BAHCC1: variants seen among roughly 807,000 people sequenced by gnomAD.
The protein encoded by BAHCC1 is BAH and coiled-coil domain-containing protein 1.
In BAHCC1, 43 loss-of-function variants were observed where a neutral mutation model predicts 88.2. The ratio of observed to expected loss-of-function variants is 0.49; its 90% CI spans 0.38 to 0.63. The LOEUF is 0.63. Among genes scored for constraint, BAHCC1 ranks in the 20% least tolerant of loss-of-function variants. The probability of loss-of-function intolerance (pLI) is 0.00; values close to 1 mark genes in which losing one functional copy is unlikely to be tolerated. For synonymous variants in BAHCC1, 1,510 were observed against 745.5 expected (o/e 2.03, Z -16.71); for missense variants, 3,023 against 1,654.8 (o/e 1.83, Z -14.34).
In BAHCC1 at chr17:81,461,356, G is replaced by A; in HGVS notation, c.6693G>A (p.Lys2231=). The A allele has an allele frequency of 1.4e-6, 1 of 729,320 alleles. No homozygotes were observed. The highest frequency in any genetic ancestry group is 2.5e-6 in the Non-Finnish European group (1 of 395,814). 45.2% of individuals were successfully genotyped at this position (729,320 alleles called of 1,614,324 possible). A position where few individuals can be genotyped will look rare whatever the true frequency, so the allele number is the denominator to read the frequency against. ...KTCKALLMGD[K]DFSPKLGRPL... ...GCAAGGCGTTGCTCATGGGGGACAA[G>A]GACTTCAGCCCCAAGCTCGGGCGGC... The change falls in exon 26 of 28, where the codon AAG becomes AAA. Residue 2231 remains lysine, a synonymous_variant. Transcript: ENST00000675386.
At chr17:81,401,349 G>A (rs527790162) in intron 2 of BAHCC1, 1 of 152,814 alleles carries the variant, frequency 6.5e-6, no homozygotes, top group Admixed American at 6.5e-5. Flanking sequence ...GGCCTTTGGC[G>A]AGGCTGCCCT....
intron 12 of BAHCC1, 50 bp downstream of exon 12, chr17:81,451,920 C>T (rs1212519205): frequency 1.1e-5 from 7 of 654,554 alleles, no homozygotes; most frequent in Non-Finnish European, 2.0e-5. Flanking sequence ...GCCACAGAGC[C>T]CCAGCCTGGG....
chr17:81,450,522 G>A (rs2064613114), intron 11 of BAHCC1, among the ~76,000 whole-genome samples: 1 of 152,200 alleles, frequency 6.6e-6, no homozygotes, highest in Non-Finnish European at 1.5e-5. Flanking sequence ...CCCAGGTTGA[G>A]GTCCCAGAGG....
intron 2 of BAHCC1, among the ~76,000 whole-genome samples, chr17:81,426,092 G>T: frequency 6.9e-6 from 1 of 145,006 alleles, no homozygotes. Context: ...TGTGGTTGGT[G>T]GTGATAGTGG....
At chr17:81,397,581 T>TCCGGGGCTCGGGAGGCGCCGG (rs1241675817) in intron 1 of BAHCC1, among the ~76,000 whole-genome samples, 1 of 151,752 alleles carries the variant, frequency 6.6e-6, no homozygotes, top group East Asian at 2.0e-4. Context: ...CCCGGCGCCC[T>TCCGGGGCTCGGGAGGCGCCGG]CCGGGGCTCG....
intron 2 of BAHCC1, chr17:81,402,419 A>G (rs2063829020): frequency 6.6e-6 from 1 of 152,248 alleles, no homozygotes; most frequent in Non-Finnish European, 1.5e-5. Flanking sequence ...CTGTGTCTAT[A>G]TATGATCTAG....
intron 3 of BAHCC1, among the ~76,000 whole-genome samples, chr17:81,429,425 A>G (rs1721344194): frequency 6.6e-6 from 1 of 152,134 alleles, no homozygotes; most frequent in South Asian, 2.1e-4. Context: ...GTGCTCCCCG[A>G]CAGACCACAT....
At chr17:81,448,467 C>T (rs2064573948) in intron 11 of BAHCC1, among the ~76,000 whole-genome samples, 3 of 152,164 alleles carry the variant, frequency 2.0e-5, no homozygotes, top group African/African-American at 7.2e-5. Context: ...GGCCTTGGTC[C>T]GGGCACTCCC....
chr17:81,414,585 C>T (rs1374823563), intron 2 of BAHCC1, among the ~76,000 whole-genome samples: 3 of 152,142 alleles, frequency 2.0e-5, no homozygotes, highest in Non-Finnish European at 2.9e-5. Flanking sequence ...CTAGGAACGC[C>T]GAGTTTTTAC....
chr17:81,441,687 AAAAGAG>A, intron 4 of BAHCC1, 138 bp from the exon 5 acceptor site: 1 of 429,552 alleles, frequency 2.3e-6, no homozygotes, highest in Non-Finnish European at 4.1e-6. Context: ...AAAAAAAAAA[AAAAGAG>A]CAAAAACCTT....
At chr17:81,412,629 G>A (rs1478610871) in intron 2 of BAHCC1, among the ~76,000 whole-genome samples, 2 of 152,154 alleles carry the variant, frequency 1.3e-5, no homozygotes, top group South Asian at 2.1e-4. Flanking sequence ...TGGAGTCACC[G>A]ACTCTCCCTC....
chr17:81,452,127 G>T lies in BAHCC1; in HGVS notation c.4316+20G>T. The stretch of plus-strand genomic sequence containing the variant: ...CCATGAGTACGCCTGGCGTGGCGGG[G>T]GGGCCTGGGAGGGTCGCAGCACCCC... On this transcript the variant is annotated intron_variant, in intron 13 of 27. Coordinates refer to ENST00000675386, the MANE Select transcript of BAHCC1 (RefSeq NM_001377448.1). 1 of 595,318 alleles carries T rather than the reference G, an allele frequency of 1.7e-6. No individual in the cohort carries two copies. The highest frequency in any genetic ancestry group is 2.9e-6 in the Non-Finnish European group (1 of 339,548). The allele number at this position is 595,318 out of a possible 1,614,324, so 36.9% of individuals were successfully genotyped here. A position where few individuals can be genotyped will look rare whatever the true frequency, so the allele number is the denominator to read the frequency against.
chr17:81,463,322 C>T (rs1248919885), intron 27 of BAHCC1, among the ~76,000 whole-genome samples: 3 of 152,342 alleles, frequency 2.0e-5, no homozygotes, highest in South Asian at 2.1e-4. Context: ...CTGCTCCTCT[C>T]TGAGAAGAAG....
intron 2 of BAHCC1, among the ~76,000 whole-genome samples, chr17:81,403,888 T>A (rs1555646475): frequency 6.6e-6 from 1 of 152,192 alleles, no homozygotes; most frequent in African/African-American, 2.4e-5. Flanking sequence ...GGAATGTGGG[T>A]TTCCCCCAGT....
chr17:81,438,900 C>T (rs2064374179), intron 4 of BAHCC1, among the ~76,000 whole-genome samples: 2 of 152,090 alleles, frequency 1.3e-5, no homozygotes, highest in South Asian at 4.1e-4. Context: ...CCCACAGAAG[C>T]CCGCACTTCC....
In BAHCC1 at chr17:81,410,614, C is replaced by T. The variant is rs192933701; in HGVS notation, c.178+10697C>T. Among the ~76,000 whole-genome samples the T allele has an allele frequency of 4.5e-3, 678 of 152,306 alleles. 1 individual carries two copies. Among genetic ancestry groups the T allele is most frequent in the Admixed American group, 7.5e-3 (115 of 15,308 alleles). ...CGAGGCACCACGGGTCCTGGCACCA[C>T]GGGTCCTGGCACCACGGGCAGTGCA... On this transcript the variant is annotated intron_variant, in intron 2 of 27. Transcript: ENST00000675386.
At chr17:81,422,076 A>G (rs1359153699) in intron 2 of BAHCC1, 1 of 259,418 alleles carries the variant, frequency 3.9e-6, no homozygotes, top group South Asian at 2.9e-5. Context: ...CAGTGGAACA[A>G]TCTCTGCTCA....
chr17:81,399,994 G>A lies in BAHCC1; in HGVS notation c.178+77G>A, dbSNP rs1415258569. ...AGGGCGCCCACCCCTCCGCTCCCGG[G>A]AGCAGAGAAGCTTTGGTTTCATTTC... On this transcript the variant is annotated intron_variant, in intron 2 of 27. Coordinates refer to ENST00000675386, the MANE Select transcript of BAHCC1 (RefSeq NM_001377448.1). This position sits in a 1 kb window ranked among gnomAD's most constrained non-coding sequence, Gnocchi z 4.5. 7 of 1,176,714 alleles carry A rather than the reference G, an allele frequency of 5.9e-6. No individual in the cohort carries two copies. The highest frequency in any genetic ancestry group is 1.6e-5 in the African/African-American group (1 of 61,582). The allele number at this position is 1,176,714 out of a possible 1,614,324, so 72.9% of individuals were successfully genotyped here.
chr17:81,411,521 T>TGCC lies in BAHCC1; in HGVS notation c.178+11604_178+11605insGCC. 1 of 146,604 alleles carries TGCC rather than the reference T, an allele frequency of 6.8e-6. No homozygotes were observed. The highest frequency in any genetic ancestry group is 1.2e-5 in the Non-Finnish European group (1 of 81,068). The allele number at this position is 146,604 out of a possible 1,614,324, so 9.1% of individuals were successfully genotyped here. A position where few individuals can be genotyped will look rare whatever the true frequency, so the allele number is the denominator to read the frequency against. ...CTGCCTGCCTGCCTGCCTGCCTTCC[T>TGCC]TCCTTCCTTCCTTCCTTCCTTCCTT... is the stretch of plus-strand genomic sequence containing the variant. On this transcript the variant is annotated intron_variant, in intron 2 of 27. Transcript: ENST00000675386. The surrounding 1 kb of genome is among the most constrained non-coding windows in gnomAD (Gnocchi z 6.2).
Sources: allele counts gnomAD v4.1 joint callset (sites outside exome capture counted in the v4.1 genomes callset), GRCh38; gene constraint gnomAD v4.1.1; non-coding constraint Gnocchi (gnomAD v3.1); transcripts MANE v1.5; gene names NCBI Gene and HGNC (gene_info 2026-07-23, HGNC 2026-07-21).